Variants in MTHFD1 observed in about 807,000 individuals in gnomAD.
MTHFD1 encodes methylenetetrahydrofolate dehydrogenase, cyclohydrolase and formyltetrahydrofolate synthetase 1, also known as C-1-tetrahydrofolate synthase, cytoplasmic.
A neutral mutation model predicts 110.3 loss-of-function variants in MTHFD1; 44 were observed. The ratio of observed to expected loss-of-function variants is 0.40; its 90% CI spans 0.31 to 0.51. The LOEUF (loss-of-function observed/expected upper bound fraction) is 0.51. Among genes scored for constraint, MTHFD1 ranks in the 20% least tolerant of loss-of-function variants. The probability of loss-of-function intolerance (pLI) is 0.60; values close to 1 mark genes in which losing one functional copy is unlikely to be tolerated. For missense variants in MTHFD1, 909 were observed against 1,173.1 expected (o/e 0.77, Z 3.29); for synonymous variants, 402 against 428.8 (o/e 0.94, Z 0.77).
At chr14:64,423,158 T>C (rs970081556) in intron 8 of MTHFD1, among the ~76,000 whole-genome samples, 37 of 152,296 alleles carry the variant, frequency 2.4e-4, no homozygotes, top group African/African-American at 8.9e-4. Context: ...GCCAGTTTGC[T>C]GCTTTATAAT....
chr14:64,415,341 T>A lies in MTHFD1; in HGVS notation c.241-17T>A. The A allele has an allele frequency of 6.3e-7, 1 of 1,599,030 alleles. No homozygotes were observed. Among genetic ancestry groups the A allele is most frequent in the Middle Eastern group, 1.7e-4 (1 of 6,032 alleles). On this transcript the variant is annotated splice_polypyrimidine_tract_variant and intron_variant, in intron 4 of 27. Coordinates refer to ENST00000652337, the MANE Select transcript of MTHFD1 (RefSeq NM_005956.4). ...ATTTCTGTGTGATATACAAATTATATATGGTATTACTTTTAGGTGATGAAG... is the reference window on the plus strand; with the variant it reads ...ATTTCTGTGTGATATACAAATTATAAATGGTATTACTTTTAGGTGATGAAG...
chr14:64,427,638 T>C (rs977021623), intron 12 of MTHFD1, among the ~76,000 whole-genome samples, 165 bp downstream of exon 12: 1 of 152,230 alleles, frequency 6.6e-6, no homozygotes, highest in African/African-American at 2.4e-5. Flanking sequence ...AAGGCTGTCA[T>C]TGGATCTCCC....
At chr14:64,430,367 C>T (rs1023783527) in intron 13 of MTHFD1, 137 bp downstream of exon 13, 10 of 791,010 alleles carry the variant, frequency 1.3e-5, no homozygotes, top group Non-Finnish European at 2.0e-5. Context: ...GGCGCAATCT[C>T]GGCTCACTGC....
In MTHFD1 at chr14:64,429,261, A is replaced by AACATATATATATGT. The variant is rs11158541; in HGVS notation, c.1265-922_1265-921insCATATATATATGTA. On this transcript the variant is annotated intron_variant, in intron 12 of 27. Coordinates refer to ENST00000652337, the MANE Select transcript of MTHFD1 (RefSeq NM_005956.4). ...GACAGTATGAGACTCTGTCTAAAAAAATATATATCTGATTTACATTTATTG... is the reference window on the plus strand; with the variant it reads ...GACAGTATGAGACTCTGTCTAAAAAAACATATATATATGTATATATATCTGATTTACATTTATTG... Among the ~76,000 whole-genome samples the AACATATATATATGT allele has an allele frequency of 2.8e-5, 3 of 108,220 alleles. 1 individual carries two copies. The highest frequency in any genetic ancestry group is 6.1e-5 in the Non-Finnish European group (3 of 49,116). The allele number at this position is 108,220 out of a possible 152,430, so 71.0% of individuals were successfully genotyped here. A position where few individuals can be genotyped will look rare whatever the true frequency, so the allele number is the denominator to read the frequency against.
At chr14:64,402,923 C>G (rs931189066) in intron 2 of MTHFD1, among the ~76,000 whole-genome samples, 13 of 152,118 alleles carry the variant, frequency 8.5e-5, no homozygotes, top group African/African-American at 3.1e-4. Flanking sequence ...CTTACATAGA[C>G]TATTAAAAAC....
intron 1 of MTHFD1, among the ~76,000 whole-genome samples, chr14:64,400,302 C>T (rs919323502): frequency 1.6e-4 from 24 of 151,904 alleles, no homozygotes; most frequent in African/African-American, 4.1e-4. Context: ...GCAGGAGAAT[C>T]GATTGAACCT....
intron 26 of MTHFD1, among the ~76,000 whole-genome samples, chr14:64,455,973 T>A (rs955886464): frequency 6.6e-6 from 1 of 152,230 alleles, no homozygotes; most frequent in Non-Finnish European, 1.5e-5. Context: ...TAGAAATCCC[T>A]TGTGGTAGGA....
At chr14:64,400,179 G>A (rs182970539) in intron 1 of MTHFD1, among the ~76,000 whole-genome samples, 90 of 151,014 alleles carry the variant, frequency 6.0e-4, no homozygotes, top group Non-Finnish European at 8.9e-4. Flanking sequence ...ACCTGAGGTC[G>A]GGAGTTCGAG....
intron 2 of MTHFD1, among the ~76,000 whole-genome samples, chr14:64,409,801 A>G (rs1291737335): frequency 6.6e-6 from 1 of 152,242 alleles, no homozygotes; most frequent in African/African-American, 2.4e-5. Flanking sequence ...GGGACAACTG[A>G]AGCTAAGATT....
chr14:64,455,703 G>A (rs1467504496), intron 26 of MTHFD1, among the ~76,000 whole-genome samples: 35 of 152,218 alleles, frequency 2.3e-4, no homozygotes, highest in Admixed American at 2.3e-3. Context: ...TTTCAGTATA[G>A]TAAGAAAGTG....
intron 13 of MTHFD1, 66 bp downstream of exon 13, chr14:64,430,296 T>G: frequency 7.0e-7 from 1 of 1,426,322 alleles, no homozygotes. Context: ...GGGTGCTGAA[T>G]TAGCTCCCTT....
Position 64,448,900 on chromosome 14 carries a change from T to C in MTHFD1, c.2280-545T>C, listed in dbSNP as rs868809215. Among the ~76,000 whole-genome samples, 21 of 151,860 alleles carry C rather than the reference T, an allele frequency of 1.4e-4. No individual in the cohort carries two copies. In the Middle Eastern group the frequency reaches 0.024, roughly 172 times the overall value. On this transcript the variant is annotated intron_variant, in intron 23 of 27. Transcript: ENST00000652337. ...CTGCAAGCTCTGCCTCCCGGGTTCATGCCATTCTCCTGCCTCAGCCTCCCT... is the reference window on the plus strand; with the variant it reads ...CTGCAAGCTCTGCCTCCCGGGTTCACGCCATTCTCCTGCCTCAGCCTCCCT...
At position 64,442,005 on chromosome 14, in the gene MTHFD1, C is replaced by T. The variant is rs368724092; in HGVS notation, c.1885-49C>T. 1.8e-5 allele frequency: 23 copies of T among 1,269,858 alleles called. No homozygotes were observed. The African/African-American group carries it at 3.4e-4, about 19-fold the overall frequency. The allele number at this position is 1,269,858 out of a possible 1,614,324, so 78.7% of individuals were successfully genotyped here. A position where few individuals can be genotyped will look rare whatever the true frequency, so the allele number is the denominator to read the frequency against. On this transcript the variant is annotated intron_variant, in intron 19 of 27. Coordinates refer to ENST00000652337, the MANE Select transcript of MTHFD1 (RefSeq NM_005956.4). ...CCATACCGTTGAATGTGTGATCCCACTTTGAAGCAGGATTGGCAGCTCAGC... is the reference window on the plus strand; with the variant it reads ...CCATACCGTTGAATGTGTGATCCCATTTTGAAGCAGGATTGGCAGCTCAGC...
Position 64,431,767 on chromosome 14 carries a change from GC to G in MTHFD1, c.1420-16del. ...GCAGTGGGGCTCCTCTCATTTTAAA[GC>G]CCCTTTCTTTTCTTTAAGGCTCTCT... On this transcript the variant is annotated intron_variant, in intron 14 of 27. Transcript: ENST00000652337. 6.2e-7 allele frequency: 1 copy of G among 1,613,040 alleles called. No homozygotes were observed. The highest frequency in any genetic ancestry group is 1.3e-5 in the African/African-American group (1 of 75,012).
intron 26 of MTHFD1, 106 bp downstream of exon 26, chr14:64,454,981 G>C: frequency 8.5e-7 from 1 of 1,180,004 alleles, no homozygotes; most frequent in Non-Finnish European, 1.3e-6. Flanking sequence ...TCACTGCCCA[G>C]AAGAAAATTG....
intron 26 of MTHFD1, among the ~76,000 whole-genome samples, chr14:64,456,211 A>G (rs954124108): frequency 6.6e-6 from 1 of 152,070 alleles, no homozygotes; most frequent in African/African-American, 2.4e-5. Flanking sequence ...AGCCTGCCGA[A>G]CTCAAGACTT....
At chr14:64,414,656 ATTT>A (rs564110675) in intron 4 of MTHFD1, among the ~76,000 whole-genome samples, 3 of 124,030 alleles carry the variant, frequency 2.4e-5, no homozygotes, top group Non-Finnish European at 1.7e-5. Flanking sequence ...CCCAGCCCTA[ATTT>A]TTTTTTTTTT....
intron 21 of MTHFD1, among the ~76,000 whole-genome samples, chr14:64,443,272 A>G (rs951110583): frequency 6.6e-6 from 1 of 152,330 alleles, no homozygotes; most frequent in Admixed American, 6.5e-5. Flanking sequence ...ATAGCTATTG[A>G]TATTTACCAT....
intron 1 of MTHFD1, among the ~76,000 whole-genome samples, chr14:64,393,114 T>A (rs1158247910): frequency 6.6e-6 from 1 of 152,210 alleles, no homozygotes; most frequent in African/African-American, 2.4e-5. Flanking sequence ...AAAAGATTTG[T>A]CTGGGCAGGG....
Sources: allele counts gnomAD v4.1 joint callset (sites outside exome capture counted in the v4.1 genomes callset), GRCh38; gene constraint gnomAD v4.1.1; transcripts MANE v1.5; gene names NCBI Gene and HGNC (gene_info 2026-07-23, HGNC 2026-07-21).